KCND3: variants seen among roughly 807,000 people sequenced by gnomAD.
KCND3 encodes potassium voltage-gated channel subfamily D member 3, also known as A-type voltage-gated potassium channel KCND3.
Under a neutral mutation model 51.1 loss-of-function variants are expected in KCND3, and 9 were observed. The ratio of observed to expected loss-of-function variants is 0.18; its 90% CI spans 0.11 to 0.31. The LOEUF (loss-of-function observed/expected upper bound fraction) is 0.31, where lower values mean the gene tolerates loss of function less well. Ranked by LOEUF, KCND3 falls within the 10% of genes least tolerant of loss-of-function variation. KCND3 has a pLI of 1.00. For synonymous variants in KCND3, 349 were observed against 368.0 expected, an observed-to-expected ratio of 0.95 and a Z score of 0.59; for missense variants, 526 against 903.8, an observed-to-expected ratio of 0.58 and a Z score of 5.36.
At position 111,825,233 on chromosome 1, in the gene KCND3, C is replaced by T. The variant is rs575389733; in HGVS notation, c.1107-38127G>A. On this transcript the variant is annotated intron_variant, in intron 2 of 7. Coordinates refer to ENST00000302127, the MANE Select transcript of KCND3 (RefSeq NM_001378969.1). ...AGTGGTGGACTAGGCTGGTGATCAC[C>T]GATATCAGTGATGTCTATGACACTG... is the stretch of plus-strand genomic sequence containing the variant. Among the ~76,000 whole-genome samples, 165 of 152,272 alleles carry T rather than the reference C, an allele frequency of 1.1e-3. 1 individual carries two copies. Among genetic ancestry groups the T allele is most frequent in the African/African-American group, 3.6e-3 (149 of 41,542 alleles).
At chr1:111,793,206 C>T (rs1369709883) in intron 2 of KCND3, among the ~76,000 whole-genome samples, 15 of 148,580 alleles carry the variant, frequency 1.0e-4, no homozygotes, top group Non-Finnish European at 1.8e-4. Context: ...GACAGAGTCT[C>T]GCTCTGTTTT....
At chr1:111,797,111 T>A (rs1665088219) in intron 2 of KCND3, among the ~76,000 whole-genome samples, 1 of 152,224 alleles carries the variant, frequency 6.6e-6, no homozygotes, top group South Asian at 2.1e-4. Context: ...TGGGCCCCAA[T>A]CTCAGATTTC....
chr1:111,927,286 C>T (rs539899250), intron 2 of KCND3, among the ~76,000 whole-genome samples: 57 of 152,342 alleles, frequency 3.7e-4, no homozygotes, highest in African/African-American at 1.3e-3. Context: ...CTCCCTCTTA[C>T]CACAGAAGCC....
intron 2 of KCND3, among the ~76,000 whole-genome samples, chr1:111,949,295 T>C (rs1464334576): frequency 2.6e-5 from 4 of 152,208 alleles, no homozygotes; most frequent in African/African-American, 7.2e-5. Context: ...GCTGACCTAA[T>C]GTGGCTATCA....
chr1:111,845,805 G>A (rs553720885), intron 2 of KCND3, among the ~76,000 whole-genome samples: 3 of 152,316 alleles, frequency 2.0e-5, no homozygotes, highest in Non-Finnish European at 2.9e-5. Context: ...TGAACCTAGT[G>A]AGCCTGGTGC....
intron 2 of KCND3, among the ~76,000 whole-genome samples, chr1:111,956,856 T>C (rs1202500036): frequency 1.3e-5 from 2 of 152,172 alleles, no homozygotes; most frequent in East Asian, 1.9e-4. Context: ...CTCCTTATTA[T>C]ACCAGTAGGG....
At chr1:111,947,397 T>C (rs1571887812) in intron 2 of KCND3, among the ~76,000 whole-genome samples, 2 of 152,226 alleles carry the variant, frequency 1.3e-5, no homozygotes, top group Admixed American at 6.5e-5. Flanking sequence ...AAACAGAACA[T>C]TTCCACAGCA....
intron 2 of KCND3, among the ~76,000 whole-genome samples, chr1:111,900,404 T>C (rs534768011): frequency 1.2e-4 from 18 of 152,296 alleles, no homozygotes; most frequent in African/African-American, 4.3e-4. Context: ...CTGGTTTAGA[T>C]TCTAAAGGAA....
chr1:111,887,601 G>T (rs539679180), intron 2 of KCND3, among the ~76,000 whole-genome samples: 1 of 152,200 alleles, frequency 6.6e-6, no homozygotes, highest in Admixed American at 6.5e-5. Context: ...AGTAGCAGGG[G>T]TAAACATTTA....
chr1:111,800,533 A>G (rs1665256735), intron 2 of KCND3, among the ~76,000 whole-genome samples: 1 of 138,562 alleles, frequency 7.2e-6, no homozygotes, highest in African/African-American at 2.7e-5. Flanking sequence ...CCCAAGAATT[A>G]TCAATAAAAA....
intron 2 of KCND3, among the ~76,000 whole-genome samples, chr1:111,962,917 T>C (rs1305186904): frequency 6.6e-6 from 1 of 152,258 alleles, no homozygotes; most frequent in African/African-American, 2.4e-5. Flanking sequence ...AGCTTGTGTA[T>C]GAGGGCTTGG....
chr1:111,987,961 A>C (rs1195935818), intron 1 of KCND3, among the ~76,000 whole-genome samples: 1 of 152,004 alleles, frequency 6.6e-6, no homozygotes, highest in Non-Finnish European at 1.5e-5. Flanking sequence ...AAAGTCAGTT[A>C]CTCCATTAAA....
chr1:111,793,841 A>G (rs906749951), intron 2 of KCND3, among the ~76,000 whole-genome samples: 3 of 152,206 alleles, frequency 2.0e-5, no homozygotes, highest in African/African-American at 4.8e-5. Flanking sequence ...CTTAGAAAAA[A>G]AAAATTTAAA....
chr1:111,892,013 A>G (rs966614830), intron 2 of KCND3, among the ~76,000 whole-genome samples: 6 of 151,924 alleles, frequency 3.9e-5, no homozygotes, highest in African/African-American at 1.5e-4. Flanking sequence ...GGAGGAGAGC[A>G]AAAAATAAAA....
intron 2 of KCND3, among the ~76,000 whole-genome samples, chr1:111,943,396 GGACTA>G (rs1175338325): frequency 1.3e-5 from 2 of 152,190 alleles, no homozygotes; most frequent in Non-Finnish European, 2.9e-5. Context: ...CCTGCCCACT[GGACTA>G]GAGGCAGTTC....
At chr1:111,904,020 A>G (rs897038125) in intron 2 of KCND3, among the ~76,000 whole-genome samples, 3 of 152,170 alleles carry the variant, frequency 2.0e-5, no homozygotes, top group Non-Finnish European at 4.4e-5. Flanking sequence ...ATTCAGGCAA[A>G]TAAACAATTT....
intron 2 of KCND3, among the ~76,000 whole-genome samples, chr1:111,818,638 C>A (rs923227479): frequency 6.6e-6 from 1 of 152,218 alleles, no homozygotes. Flanking sequence ...TTCCAAACTT[C>A]CTGAGTGGGG....
chr1:111,981,959 G>T lies in KCND3; in HGVS notation c.768C>A (p.Arg256=), dbSNP rs753034364. ...CCACGTCGATGATGCTCATGACGCT[G>T]CGGATGAAGCGGTAGCGGCTGGGAG... ...FAAPSRYRFI[R]SVMSIIDVVA... The change falls in exon 2 of 8, where the codon CGC becomes CGA. Residue 256 remains arginine (R), a synonymous_variant. Coordinates refer to ENST00000302127, the MANE Select transcript of KCND3 (RefSeq NM_001378969.1). This position sits in a 1 kb window ranked among gnomAD's most constrained non-coding sequence, Gnocchi z 6.2. 1 of 1,614,124 alleles carries T rather than the reference G, an allele frequency of 6.2e-7. No individual in the cohort carries two copies. The highest frequency in any genetic ancestry group is 8.5e-7 in the Non-Finnish European group (1 of 1,180,032).
chr1:111,941,135 C>T (rs1007850634), intron 2 of KCND3, among the ~76,000 whole-genome samples: 1 of 152,128 alleles, frequency 6.6e-6, no homozygotes, highest in African/African-American at 2.4e-5. Context: ...GCTGCTATGT[C>T]AGGGTTAAAA....
Sources: allele counts gnomAD v4.1 joint callset (sites outside exome capture counted in the v4.1 genomes callset), GRCh38; gene constraint gnomAD v4.1.1; non-coding constraint Gnocchi (gnomAD v3.1); transcripts MANE v1.5; gene names NCBI Gene and HGNC (gene_info 2026-07-23, HGNC 2026-07-21).